The following HMG20A variants were observed in gnomAD, a reference collection of about 807,000 sequenced individuals.
The protein encoded by HMG20A is high mobility group 20A, also known as high mobility group protein 20A.
HMG20A carries 17 observed loss-of-function variants against 43.9 expected under a neutral mutation model. The ratio of observed to expected loss-of-function variants is 0.39; its 90% CI spans 0.27 to 0.58. HMG20A has a LOEUF of 0.58. Ranked by LOEUF, HMG20A falls within the 20% of genes least tolerant of loss-of-function variation. The pLI, the probability that HMG20A is intolerant of heterozygous loss-of-function variation, is 0.59. For synonymous variants in HMG20A, 132 were observed against 147.5 expected, an observed-to-expected ratio of 0.89 and a Z score of 0.76; for missense variants, 341 against 438.2, an observed-to-expected ratio of 0.78 and a Z score of 1.98.
the HMG20A span, among the ~76,000 whole-genome samples, chr15:77,490,749 T>A: frequency 6.6e-6 from 1 of 152,192 alleles, no homozygotes; most frequent in Non-Finnish European, 1.5e-5. Flanking sequence ...CAGACTTAAG[T>A]ATGAAACATC....
In HMG20A at chr15:77,481,690, C is replaced by T. The variant is rs187875534; in HGVS notation, c.*7-1280C>T. Among the ~76,000 whole-genome samples, 6 of 152,180 alleles carry T rather than the reference C, an allele frequency of 3.9e-5. No homozygotes were observed. In the East Asian group the frequency reaches 7.7e-4, roughly 20 times the overall value. ...ATTTTAACCTACAAATATTTTGCCC[C>T]TGAAAAAATAGCTAAAAGTGTGAAC... On this transcript the variant is annotated intron_variant, in intron 9 of 9. Coordinates refer to ENST00000336216, the MANE Select transcript of HMG20A (RefSeq NM_001304504.2).
intron 1 of HMG20A, among the ~76,000 whole-genome samples, chr15:77,452,853 G>C (rs556028756): frequency 1.6e-4 from 25 of 152,330 alleles, no homozygotes; most frequent in Middle Eastern, 3.4e-3. Context: ...TAGTATATCT[G>C]ATAAGTGTCT....
chr15:77,454,180 AC>A lies in HMG20A; in HGVS notation c.-4-4223del, dbSNP rs1423488648. On this transcript the variant is annotated intron_variant, in intron 1 of 9. Transcript: ENST00000336216. ...CTGTCTCTTAAAAAAAAAAAAAAAA[AC>A]AAAGTAGATTAGTGGTTGCCCAGGC... 1.4e-3 allele frequency among the ~76,000 whole-genome samples: 216 copies of A among 150,882 alleles called. 1 individual carries two copies. Among genetic ancestry groups the A allele is most frequent in the Non-Finnish European group, 2.3e-3 (158 of 67,822 alleles).
the HMG20A span, among the ~76,000 whole-genome samples, chr15:77,495,887 T>G: frequency 6.6e-6 from 1 of 152,188 alleles, no homozygotes; most frequent in African/African-American, 2.4e-5. Flanking sequence ...GTCCTGACCC[T>G]CCTTCCCCCA....
intron 1 of HMG20A, among the ~76,000 whole-genome samples, chr15:77,451,186 C>T (rs2073732619): frequency 6.6e-6 from 1 of 152,126 alleles, no homozygotes; most frequent in Admixed American, 6.6e-5. Flanking sequence ...TGGTTATGCC[C>T]AAGTTTTGGC....
intron 1 of HMG20A, among the ~76,000 whole-genome samples, chr15:77,435,293 CTA>C (rs1264384576): frequency 3.3e-5 from 5 of 152,128 alleles, no homozygotes; most frequent in African/African-American, 1.2e-4. Context: ...GTTTTATAGT[CTA>C]TTTATTTTGG....
At chr15:77,489,293 T>C (rs929089436), downstream of HMG20A, among the ~76,000 whole-genome samples, 1 of 152,236 alleles carries the variant, frequency 6.6e-6, no homozygotes, top group African/African-American at 2.4e-5. Context: ...GTACTCATTT[T>C]TACAGTAAGT....
chr15:77,490,067 G>A (rs2072964564), downstream of HMG20A, among the ~76,000 whole-genome samples: 1 of 152,168 alleles, frequency 6.6e-6, no homozygotes, highest in Non-Finnish European at 1.5e-5. Flanking sequence ...CTTGAGGCCA[G>A]GAGTTGGAGA....
intron 2 of HMG20A, among the ~76,000 whole-genome samples, chr15:77,461,146 C>T (rs34410684): frequency 0.08 from 12,111 of 151,568 alleles, 589 homozygotes; most frequent in Non-Finnish European, 0.1. Flanking sequence ...TCAACTGTGT[C>T]AGATGCTTCT....
At position 77,438,137 on chromosome 15, in the gene HMG20A, A is replaced by ATTT. The variant is rs34192592; in HGVS notation, c.-5+17155_-5+17157dup. 1.8e-3 allele frequency among the ~76,000 whole-genome samples: 202 copies of ATTT among 113,422 alleles called. 1 individual carries two copies. The highest frequency in any genetic ancestry group is 2.0e-3 in the Non-Finnish European group (108 of 55,160). 74.4% of individuals were successfully genotyped at this position (113,422 alleles called of 152,430 possible). On this transcript the variant is annotated intron_variant, in intron 1 of 9. Transcript: ENST00000336216. ...ACACCAAGCTAGGTTTTTAGTTTTA[A>ATTT]TTTTTTTTTTTTTTTTTTTTTTTTA...
At chr15:77,432,011 C>T (rs1448949758) in intron 1 of HMG20A, among the ~76,000 whole-genome samples, 1 of 152,206 alleles carries the variant, frequency 6.6e-6, no homozygotes, top group African/African-American at 2.4e-5. Context: ...GTATATACCA[C>T]ATTTTCTGTG....
intron 6 of HMG20A, among the ~76,000 whole-genome samples, chr15:77,472,613 C>T (rs541923272): frequency 1.1e-4 from 16 of 152,344 alleles, no homozygotes; most frequent in African/African-American, 3.6e-4. Flanking sequence ...TATTCCCTCA[C>T]TTCACTAGCA....
chr15:77,470,006 T>C (rs951329735), intron 4 of HMG20A, among the ~76,000 whole-genome samples: 1 of 152,190 alleles, frequency 6.6e-6, no homozygotes, highest in African/African-American at 2.4e-5. Context: ...TAACAAATCA[T>C]TGGTATTGTG....
chr15:77,491,933 G>A, the HMG20A span, among the ~76,000 whole-genome samples: 1 of 152,210 alleles, frequency 6.6e-6, no homozygotes, highest in African/African-American at 2.4e-5. Flanking sequence ...AAGGGTTTTA[G>A]CTTTTGTTTT....
intron 1 of HMG20A, among the ~76,000 whole-genome samples, chr15:77,426,131 T>A (rs1189383915): frequency 1.3e-5 from 2 of 152,196 alleles, no homozygotes; most frequent in Admixed American, 6.5e-5. Flanking sequence ...GTATGGAGTT[T>A]CCTTTGGAAG....
chr15:77,471,826 T>G lies in HMG20A; in HGVS notation c.615+12T>G. On this transcript the variant is annotated intron_variant, in intron 6 of 9. Transcript: ENST00000336216. ...CTCATGATCATGAGGTAATTAGCCA[T>G]CTGTCTACATATCATATATATGTAT... 1 of 1,482,514 alleles carries G rather than the reference T, an allele frequency of 6.7e-7. No individual in the cohort carries two copies. The highest frequency in any genetic ancestry group is 1.9e-4 in the Middle Eastern group (1 of 5,306). The allele number at this position is 1,482,514 out of a possible 1,614,324, so 91.8% of individuals were successfully genotyped here.
chr15:77,478,368 G>A lies in HMG20A; in HGVS notation c.765G>A (p.Lys255=), dbSNP rs200380409. 5.3e-5 allele frequency: 85 copies of A among 1,613,660 alleles called. No homozygotes were observed. In the East Asian group the frequency reaches 1.7e-3, roughly 33 times the overall value. ...EFEERNAALQ[K]HVESMRTAVE... ...AGGAGAGGAATGCAGCCCTGCAAAA[G>A]CACGTGGAGAGCATGCGCACAGCAG... The change falls in exon 8 of 10, where the codon AAG becomes AAA. Residue 255 remains lysine, a synonymous_variant. Coordinates refer to ENST00000336216, the MANE Select transcript of HMG20A (RefSeq NM_001304504.2).
At chr15:77,440,757 A>G (rs146108157) in intron 1 of HMG20A, among the ~76,000 whole-genome samples, 3 of 152,290 alleles carry the variant, frequency 2.0e-5, no homozygotes, top group Admixed American at 6.5e-5. Flanking sequence ...CATGAGTTAC[A>G]TGGTCCTTGT....
At chr15:77,458,574 G>C (rs2072678060) in intron 2 of HMG20A, 78 bp downstream of exon 2, 1 of 952,834 alleles carries the variant, frequency 1.0e-6, no homozygotes, top group Non-Finnish European at 1.7e-6. Flanking sequence ...AGGTCCTAAA[G>C]AGGCAGTTTT....
Sources: gnomAD v4.1 joint callset for allele counts (sites outside exome capture counted in the v4.1 genomes callset) on GRCh38, gnomAD v4.1.1 for gene constraint, MANE v1.5 for transcripts, NCBI Gene and HGNC (gene_info 2026-07-23, HGNC 2026-07-21) for gene names.